The following ARPP21 variants were observed in gnomAD, a reference collection of about 807,000 sequenced individuals.
ARPP21 encodes cAMP-regulated phosphoprotein 21.
ARPP21 carries 69 observed loss-of-function variants against 113.2 expected under a neutral mutation model. The ratio of observed to expected loss-of-function variants is 0.61; its 90% CI spans 0.50 to 0.74. ARPP21 has a LOEUF of 0.74. Ranked by LOEUF, ARPP21 falls within the 30% of genes least tolerant of loss-of-function variation. The pLI is 0.00. For missense variants in ARPP21, 1,070 were observed against 1,037.4 expected, an observed-to-expected ratio of 1.03 and a Z score of -0.43; for synonymous variants, 368 against 375.5, an observed-to-expected ratio of 0.98 and a Z score of 0.23.
chr3:35,647,534 C>T (rs1700693572), intron 1 of ARPP21, among the ~76,000 whole-genome samples: 3 of 152,018 alleles, frequency 2.0e-5, no homozygotes, highest in Non-Finnish European at 2.9e-5. Flanking sequence ...TGGCCCTCCA[C>T]GAGATTCTAC....
chr3:35,706,011 C>A (rs1056649818), intron 9 of ARPP21, among the ~76,000 whole-genome samples: 5 of 152,202 alleles, frequency 3.3e-5, no homozygotes, highest in Admixed American at 3.3e-4. Flanking sequence ...TATTACACAA[C>A]AGACACTGTG....
At chr3:35,779,420 A>G (rs1184215837) in intron 19 of ARPP21, among the ~76,000 whole-genome samples, 1 of 152,136 alleles carries the variant, frequency 6.6e-6, no homozygotes, top group Non-Finnish European at 1.5e-5. Context: ...GTTACCAAAA[A>G]CTGGGATTTT....
intron 14 of ARPP21, among the ~76,000 whole-genome samples, chr3:35,728,215 CT>C (rs775065085): frequency 0.011 from 1,197 of 105,150 alleles, 7 homozygotes; most frequent in South Asian, 0.027. Context: ...GATTCCTTGC[CT>C]TTTTTTTTTT....
intron 19 of ARPP21, among the ~76,000 whole-genome samples, chr3:35,761,253 C>G (rs1046791846): frequency 2.0e-5 from 3 of 152,064 alleles, no homozygotes; most frequent in African/African-American, 7.2e-5. Context: ...TTTGCTTTCT[C>G]TATATTTAGA....
At chr3:35,792,224 G>A (rs1371695258) in intron 19 of ARPP21, 158 bp from the exon 20 acceptor site, 1 of 668,662 alleles carries the variant, frequency 1.5e-6, no homozygotes, top group African/African-American at 1.8e-5. Context: ...GTAAAAAAAA[G>A]AGAAAATGCA....
chr3:35,748,144 AAGG>A (rs2095238580), intron 19 of ARPP21, among the ~76,000 whole-genome samples: 2 of 145,820 alleles, frequency 1.4e-5, no homozygotes, highest in South Asian at 2.2e-4. Flanking sequence ...GAAAGGGAGA[AAGG>A]AGAGAGAGAA....
intron 1 of ARPP21, among the ~76,000 whole-genome samples, chr3:35,648,574 T>A (rs1701163360): frequency 6.6e-6 from 1 of 152,200 alleles, no homozygotes; most frequent in Admixed American, 6.6e-5. Context: ...ACAGGGCCGC[T>A]GATCTGGCCT....
At chr3:35,689,977 G>A (rs949199315) in intron 7 of ARPP21, 104 bp from the exon 8 acceptor site, 3 of 655,550 alleles carry the variant, frequency 4.6e-6, no homozygotes, top group East Asian at 2.7e-5. Flanking sequence ...TAAGTTTGTA[G>A]CAGCATACAT....
chr3:35,659,163 C>T (rs77070323), intron 1 of ARPP21, among the ~76,000 whole-genome samples: 2,520 of 152,190 alleles, frequency 0.017, 69 homozygotes, highest in African/African-American at 0.057. Context: ...GTCATCTATT[C>T]TTGCAACATT....
chr3:35,657,709 C>T (rs1705675889), intron 1 of ARPP21, among the ~76,000 whole-genome samples: 1 of 152,074 alleles, frequency 6.6e-6, no homozygotes, highest in South Asian at 2.1e-4. Context: ...CAGATAGTCT[C>T]AGTTGACTTA....
Position 35,690,936 on chromosome 3 carries a change from T to C in ARPP21, c.617T>C (p.Phe206Ser). Residue 206 changes from phenylalanine (F) to serine (S), a missense_variant, in exon 9 of 21, where the codon TTT becomes TCT. Coordinates refer to ENST00000684406, the MANE Select transcript of ARPP21 (RefSeq NM_001385562.1). The stretch of plus-strand genomic sequence containing the variant: ...CTTGTCCATCGAGTGGCAGCTTATT[T>C]TGGATTGGATCACAATGTGGATCAA... Reference protein sequence around the residue: ...RMLVHRVAAYFGLDHNVDQTG... With the variant: ...RMLVHRVAAYSGLDHNVDQTG... The C allele has an allele frequency of 6.2e-7, 1 of 1,610,898 alleles. No homozygotes were observed. The highest frequency in any genetic ancestry group is 8.5e-7 in the Non-Finnish European group (1 of 1,178,014).
At chr3:35,682,268 G>A (rs1217691283) in intron 3 of ARPP21, among the ~76,000 whole-genome samples, 1 of 151,780 alleles carries the variant, frequency 6.6e-6, no homozygotes, top group East Asian at 2.0e-4. Context: ...AAAAATCAAA[G>A]GCAGGTGTTC....
intron 14 of ARPP21, among the ~76,000 whole-genome samples, chr3:35,726,616 A>G (rs1396732683): frequency 1.3e-5 from 2 of 152,142 alleles, no homozygotes; most frequent in Non-Finnish European, 2.9e-5. Context: ...GGAAGGGTAT[A>G]ATGTTGTAAA....
intron 1 of ARPP21, among the ~76,000 whole-genome samples, chr3:35,668,021 A>AAGAAGAAGAAGG (rs1298303061): frequency 7.4e-6 from 1 of 134,812 alleles, no homozygotes; most frequent in Admixed American, 7.4e-5. Context: ...GAAGAAGAAG[A>AAGAAGAAGAAGG]AGAAGAAGAA....
In ARPP21 at chr3:35,687,868, A is replaced by G; in HGVS notation, c.391A>G (p.Arg131Gly). 6.3e-7 allele frequency: 1 copy of G among 1,587,488 alleles called. No individual in the cohort carries two copies. Among genetic ancestry groups the G allele is most frequent in the Non-Finnish European group, 8.5e-7 (1 of 1,171,360 alleles). ...TAAAACCTCTGAAAAACCCAAGATC[A>G]GAATGTTATCAAAAGGTGAATGTGA... is the stretch of plus-strand genomic sequence containing the variant. ...KDKTSEKPKI[R>G]MLSKDCSQEY... Residue 131 changes from arginine (R) to glycine (G), a missense_variant, in exon 6 of 21, where the codon AGA becomes GGA. Coordinates refer to ENST00000684406, the MANE Select transcript of ARPP21 (RefSeq NM_001385562.1).
At chr3:35,709,753 C>A (rs1373697828) in intron 11 of ARPP21, among the ~76,000 whole-genome samples, 2 of 152,222 alleles carry the variant, frequency 1.3e-5, no homozygotes, top group Non-Finnish European at 2.9e-5. Flanking sequence ...GGGCAAGCAA[C>A]TGCCATAGCG....
At chr3:35,714,038 G>A (rs1348950361) in intron 11 of ARPP21, among the ~76,000 whole-genome samples, 1 of 152,136 alleles carries the variant, frequency 6.6e-6, no homozygotes, top group African/African-American at 2.4e-5. Context: ...ACTGTAAAGA[G>A]CCCTTCATAG....
At chr3:35,764,993 C>T (rs1006267574) in intron 19 of ARPP21, among the ~76,000 whole-genome samples, 5 of 151,904 alleles carry the variant, frequency 3.3e-5, no homozygotes, top group African/African-American at 1.2e-4. Context: ...AACATCAGAA[C>T]TAAAATCATA....
chr3:35,738,739 TC>T (rs1292882762), intron 17 of ARPP21, among the ~76,000 whole-genome samples: 2 of 152,318 alleles, frequency 1.3e-5, no homozygotes, highest in Non-Finnish European at 2.9e-5. Context: ...CTTTCATTTT[TC>T]CCTCAAGTCA....
Sources: allele counts gnomAD v4.1 joint callset (sites outside exome capture counted in the v4.1 genomes callset), GRCh38; gene constraint gnomAD v4.1.1; transcripts MANE v1.5; gene names NCBI Gene and HGNC (gene_info 2026-07-23, HGNC 2026-07-21).